The following CALN1 variants were observed in gnomAD, a reference collection of about 807,000 sequenced individuals.
CALN1 encodes the protein calcium-binding protein 8.
CALN1 carries 17 observed loss-of-function variants against 30.6 expected under a neutral mutation model. The ratio of observed to expected loss-of-function variants is 0.56; its 90% CI spans 0.38 to 0.83. The LOEUF (loss-of-function observed/expected upper bound fraction) is 0.83. Ranked by LOEUF, CALN1 falls within the 40% of genes least tolerant of loss-of-function variation. The pLI, the probability that CALN1 is intolerant of heterozygous loss-of-function variation, is 0.00. For synonymous variants in CALN1, 156 were observed against 131.4 expected (o/e 1.19, Z -1.28); for missense variants, 291 against 354.9 (o/e 0.82, Z 1.45).
chr7:72,085,347 G>A (rs1253246934), intron 4 of CALN1, among the ~76,000 whole-genome samples: 1 of 152,098 alleles, frequency 6.6e-6, no homozygotes, highest in Non-Finnish European at 1.5e-5. Flanking sequence ...GGGGAGTACA[G>A]TATAATAAGA....
chr7:71,814,982 C>T (rs1032301612), intron 5 of CALN1, among the ~76,000 whole-genome samples: 1 of 151,844 alleles, frequency 6.6e-6, no homozygotes, highest in Non-Finnish European at 1.5e-5. Context: ...TACAGGTGCC[C>T]GCCACCACGC....
upstream of CALN1, among the ~76,000 whole-genome samples, chr7:72,451,212 G>GAAGAAGAAGAAGAAGA (rs1562973699): frequency 2.1e-4 from 21 of 102,124 alleles, no homozygotes; most frequent in African/African-American, 1.1e-3. Context: ...GAAGAAGAAG[G>GAAGAAGAAGAAGAAGA]AGGAGGAGGA....
rs182967643 is a variant in CALN1 at position 72,353,737 on chromosome 7, C to T, written c.119+49514G>A. ...CAATAAAAAGACAGAAAATGCATCC[C>T]GATTGGTAAGTAAGAAGTAAAATTG... On this transcript the variant is annotated intron_variant, in intron 2 of 6. Coordinates refer to ENST00000395275, the MANE Select transcript of CALN1 (RefSeq NM_031468.4). Among the ~76,000 whole-genome samples the T allele has an allele frequency of 9.5e-4, 144 of 152,008 alleles. 1 individual carries two copies. Among genetic ancestry groups the T allele is most frequent in the Admixed American group, 9.2e-3 (140 of 15,270 alleles).
intron 1 of CALN1, among the ~76,000 whole-genome samples, chr7:72,410,601 G>A (rs773310301): frequency 1.3e-5 from 2 of 152,162 alleles, no homozygotes; most frequent in Admixed American, 6.5e-5. Flanking sequence ...AGACTTCTCA[G>A]GAGCCCTAAT....
At chr7:72,028,299 G>A (rs531733478) in intron 4 of CALN1, among the ~76,000 whole-genome samples, 3 of 152,278 alleles carry the variant, frequency 2.0e-5, no homozygotes, top group South Asian at 2.1e-4. Flanking sequence ...GACTCAGGGT[G>A]CAGGGAGCGC....
chr7:72,117,775 T>C (rs1260688098), intron 3 of CALN1, among the ~76,000 whole-genome samples: 1 of 151,994 alleles, frequency 6.6e-6, no homozygotes, highest in Non-Finnish European at 1.5e-5. Flanking sequence ...CTGGCCAACA[T>C]GGCGAAACTC....
chr7:72,182,769 TA>T (rs111446877), intron 3 of CALN1, among the ~76,000 whole-genome samples: 21 of 143,176 alleles, frequency 1.5e-4, no homozygotes, highest in East Asian at 4.0e-4. Context: ...ACCAATGTTG[TA>T]AAAAAAAAAA....
intron 5 of CALN1, among the ~76,000 whole-genome samples, chr7:71,928,687 CACA>C (rs1795395370): frequency 6.6e-6 from 1 of 152,054 alleles, no homozygotes; most frequent in Non-Finnish European, 1.5e-5. Flanking sequence ...ATGCCATCAT[CACA>C]ACAACAGATT....
chr7:72,005,055 C>T (rs755972707), intron 5 of CALN1, among the ~76,000 whole-genome samples: 4 of 152,126 alleles, frequency 2.6e-5, no homozygotes, highest in African/African-American at 4.8e-5. Context: ...ATGTAAAATG[C>T]TACCATCACT....
chr7:72,466,180 G>A, the CALN1 span, among the ~76,000 whole-genome samples: 2 of 152,222 alleles, frequency 1.3e-5, no homozygotes, highest in African/African-American at 4.8e-5. Context: ...GTATAGTTTA[G>A]ATTCTATCAC....
intron 3 of CALN1, among the ~76,000 whole-genome samples, chr7:72,267,565 G>A (rs755548566): frequency 3.9e-5 from 6 of 152,348 alleles, no homozygotes; most frequent in Non-Finnish European, 8.8e-5. Flanking sequence ...CATCTCACAG[G>A]GAGCAGGATT....
At chr7:72,159,057 T>C (rs1470540041) in intron 3 of CALN1, among the ~76,000 whole-genome samples, 1 of 152,066 alleles carries the variant, frequency 6.6e-6, no homozygotes, top group Non-Finnish European at 1.5e-5. Flanking sequence ...TTCTCCATGT[T>C]GGCCAGGCTG....
the CALN1 span, among the ~76,000 whole-genome samples, chr7:72,480,979 C>A: frequency 6.6e-6 from 1 of 151,842 alleles, no homozygotes; most frequent in Non-Finnish European, 1.5e-5. Context: ...TTTTTTGAGA[C>A]TCTCGCTCTG....
At position 71,826,991 on chromosome 7, in the gene CALN1, T is replaced by C. The variant is rs145257507; in HGVS notation, c.502-16499A>G. Among the ~76,000 whole-genome samples the C allele has an allele frequency of 7.2e-5, 11 of 152,280 alleles. No individual in the cohort carries two copies. The East Asian group carries it at 1.7e-3, about 24-fold the overall frequency. On this transcript the variant is annotated intron_variant, in intron 5 of 6. Coordinates refer to ENST00000395275, the MANE Select transcript of CALN1 (RefSeq NM_031468.4). ...ATCAACAAGGGCTCAGATGAAGAAA[T>C]TGATCTCTTGCAGCCTGGAGGAAAT...
rs575641173 is a variant in CALN1 at position 72,142,178 on chromosome 7, G to A, written c.245-35884C>T. Among the ~76,000 whole-genome samples, 5 of 152,266 alleles carry A rather than the reference G, an allele frequency of 3.3e-5. No individual in the cohort carries two copies. In the East Asian group the frequency reaches 5.8e-4, roughly 18 times the overall value. ...ATGAGCCGAAGCAGGGTGAGGCATC[G>A]CCTGACCTGGGAAGCACAAGGGGTC... On this transcript the variant is annotated intron_variant, in intron 3 of 6. Coordinates refer to ENST00000395275, the MANE Select transcript of CALN1 (RefSeq NM_031468.4).
intron 2 of CALN1, among the ~76,000 whole-genome samples, chr7:72,399,823 G>A (rs1399116973): frequency 6.6e-6 from 1 of 152,190 alleles, no homozygotes; most frequent in Non-Finnish European, 1.5e-5. Context: ...AGTGGGAGGT[G>A]TTTGGGTCAT....
At chr7:72,200,273 C>T (rs973754775) in intron 3 of CALN1, among the ~76,000 whole-genome samples, 5 of 152,116 alleles carry the variant, frequency 3.3e-5, no homozygotes, top group Admixed American at 6.6e-5. Flanking sequence ...TGAATCCCAG[C>T]GTTACCACCT....
chr7:71,966,144 T>C (rs1319824662), intron 5 of CALN1, among the ~76,000 whole-genome samples: 1 of 152,208 alleles, frequency 6.6e-6, no homozygotes, highest in African/African-American at 2.4e-5. Context: ...TGGTGCTCCT[T>C]GTAGTTTCTA....
At chr7:72,264,676 T>C (rs1796495399) in intron 3 of CALN1, among the ~76,000 whole-genome samples, 1 of 152,288 alleles carries the variant, frequency 6.6e-6, no homozygotes, top group African/African-American at 2.4e-5. Context: ...TGATTTTTTG[T>C]GGTTGTTGTT....
Sources: allele counts gnomAD v4.1 joint callset (sites outside exome capture counted in the v4.1 genomes callset), GRCh38; gene constraint gnomAD v4.1.1; transcripts MANE v1.5; gene names NCBI Gene and HGNC (gene_info 2026-07-23, HGNC 2026-07-21).